VAC14: variants seen among roughly 807,000 people sequenced by gnomAD.
VAC14 encodes the protein protein VAC14 homolog.
Under a neutral mutation model 85.3 loss-of-function variants are expected in VAC14, and 47 were observed. That is an observed-to-expected ratio of 0.55 (90% CI 0.44 to 0.70). The LOEUF (loss-of-function observed/expected upper bound fraction) is 0.70. Ranked by LOEUF, VAC14 falls within the 30% of genes least tolerant of loss-of-function variation. VAC14 has a pLI of 0.00. For missense variants in VAC14, 861 were observed against 1,004.3 expected, an observed-to-expected ratio of 0.86 and a Z score of 1.93; for synonymous variants, 447 against 430.5, an observed-to-expected ratio of 1.04 and a Z score of -0.47.
intron 12 of VAC14, among the ~76,000 whole-genome samples, chr16:70,756,302 C>G (rs2031851512): frequency 6.6e-6 from 1 of 152,162 alleles, no homozygotes; most frequent in South Asian, 2.1e-4. Flanking sequence ...CCTCTGGGCT[C>G]CTAGGCAAGC....
chr16:70,704,507 T>C (rs890701507), intron 14 of VAC14, among the ~76,000 whole-genome samples: 1 of 152,176 alleles, frequency 6.6e-6, no homozygotes, highest in African/African-American at 2.4e-5. Flanking sequence ...CCTGGGGCTG[T>C]GTGCAGAGCA....
chr16:70,771,574 C>T (rs532372546), intron 10 of VAC14: 66 of 151,474 alleles, frequency 4.4e-4, no homozygotes, highest in African/African-American at 1.5e-3. Flanking sequence ...TAAGAACAAT[C>T]CATTTTCTTT....
intron 1 of VAC14, among the ~76,000 whole-genome samples, chr16:70,797,568 A>G (rs1280195166): frequency 2.0e-5 from 3 of 152,200 alleles, no homozygotes; most frequent in Non-Finnish European, 2.9e-5. Context: ...CTCTCTATGT[A>G]TACAGTTTGT....
chr16:70,700,920 G>A (rs2053813169), intron 14 of VAC14, among the ~76,000 whole-genome samples: 1 of 152,218 alleles, frequency 6.6e-6, no homozygotes, highest in Admixed American at 6.5e-5. Flanking sequence ...CGGGACCTGT[G>A]GCAGCAGAGG....
chr16:70,739,817 G>T (rs777546966), intron 13 of VAC14, among the ~76,000 whole-genome samples: 1 of 152,194 alleles, frequency 6.6e-6, no homozygotes, highest in Non-Finnish European at 1.5e-5. Flanking sequence ...TGAAGATGCT[G>T]CTGACATTTG....
At position 70,781,920 on chromosome 16, in the gene VAC14, C is replaced by T. The variant is rs773303145; in HGVS notation, c.895G>A (p.Gly299Arg). ...AGRVMLPYSS[G>R]ILTAVLPCLA... ...CAGGGCAAGACAGCAGTCAGGATCCCGGAGGAGTAAGGCAGCATGACGCGG... is the reference window on the plus strand; with the variant it reads ...CAGGGCAAGACAGCAGTCAGGATCCTGGAGGAGTAAGGCAGCATGACGCGG... The change falls in exon 8 of 19, where the codon GGG becomes AGG. Residue 299 changes from glycine to arginine, a missense_variant. Physicochemically the swap from Gly to Arg is moderately radical, Grantham distance 125. Coordinates refer to ENST00000261776, the MANE Select transcript of VAC14 (RefSeq NM_018052.5). 9.9e-6 allele frequency: 16 copies of T among 1,614,012 alleles called. No homozygotes were observed. The highest frequency in any genetic ancestry group is 1.7e-5 in the Admixed American group (1 of 60,000).
At chr16:70,789,246 A>G (rs1316582565) in intron 1 of VAC14, among the ~76,000 whole-genome samples, 1 of 152,236 alleles carries the variant, frequency 6.6e-6, no homozygotes, top group Non-Finnish European at 1.5e-5. Context: ...AGCCCCCCAA[A>G]GTTTTAATAT....
intron 1 of VAC14, among the ~76,000 whole-genome samples, chr16:70,790,163 T>A (rs2034270772): frequency 6.6e-6 from 1 of 152,100 alleles, no homozygotes; most frequent in Non-Finnish European, 1.5e-5. Flanking sequence ...GGGCATGAGG[T>A]GACTCGGGGC....
chr16:70,763,326 TG>T (rs2032559369), intron 10 of VAC14, among the ~76,000 whole-genome samples: 1 of 152,208 alleles, frequency 6.6e-6, no homozygotes, highest in Non-Finnish European at 1.5e-5. Context: ...ACCAGTCTGC[TG>T]GGCTCCCACT....
chr16:70,727,964 G>A (rs906990926), intron 14 of VAC14, among the ~76,000 whole-genome samples: 1 of 152,242 alleles, frequency 6.6e-6, no homozygotes, highest in Non-Finnish European at 1.5e-5. Context: ...AGGTGTGGGT[G>A]CTGCTTTTGG....
chr16:70,762,737 G>A lies in VAC14; in HGVS notation c.1306-132C>T. The A allele has an allele frequency of 6.7e-7, 1 of 1,487,598 alleles. No homozygotes were observed. Among genetic ancestry groups the A allele is most frequent in the Non-Finnish European group, 9.2e-7 (1 of 1,086,376 alleles). 92.1% of individuals were successfully genotyped at this position (1,487,598 alleles called of 1,614,324 possible). ...CACTTCCCTCCCCGACACAATGAGG[G>A]CTCCTCGCAGCACCTGTCACTTCTC... On this transcript the variant is annotated intron_variant, in intron 11 of 18. Coordinates refer to ENST00000261776, the MANE Select transcript of VAC14 (RefSeq NM_018052.5). The surrounding 1 kb of genome is among the most constrained non-coding windows in gnomAD (Gnocchi z 4.1).
At chr16:70,763,570 C>T (rs1486877992) in intron 10 of VAC14, among the ~76,000 whole-genome samples, 3 of 152,196 alleles carry the variant, frequency 2.0e-5, no homozygotes, top group African/African-American at 4.8e-5. Context: ...GGTCAGGGAT[C>T]GAGGCTTGTC....
chr16:70,796,629 C>T (rs564436753), intron 1 of VAC14, among the ~76,000 whole-genome samples: 13 of 152,322 alleles, frequency 8.5e-5, no homozygotes, highest in Admixed American at 1.3e-4. Flanking sequence ...AACACCACCA[C>T]GCCCATAGGG....
intron 9 of VAC14, among the ~76,000 whole-genome samples, chr16:70,777,088 T>C (rs993277460): frequency 1.3e-5 from 2 of 151,840 alleles, no homozygotes; most frequent in East Asian, 1.9e-4. Context: ...ATTACAGGTG[T>C]GAGCCACCGC....
chr16:70,750,298 C>T (rs966727676), intron 12 of VAC14, among the ~76,000 whole-genome samples: 2 of 152,162 alleles, frequency 1.3e-5, no homozygotes, highest in Non-Finnish European at 2.9e-5. Context: ...AATTAGTATG[C>T]GCTACACAGC....
Position 70,800,960 on chromosome 16 carries a change from G to T in VAC14, c.-60C>A. ...CCGCGGCTGCCGGGGCCGCGCCGGG[G>T]CCAGGGGAGTCTGCGGCTCCGCTCT... On this transcript the variant is annotated 5_prime_UTR_variant, in exon 1 of 19. Coordinates refer to ENST00000261776, the MANE Select transcript of VAC14 (RefSeq NM_018052.5). 1 of 1,322,716 alleles carries T rather than the reference G, an allele frequency of 7.6e-7. No individual in the cohort carries two copies. Among genetic ancestry groups the T allele is most frequent in the Non-Finnish European group, 1.0e-6 (1 of 979,552 alleles). 81.9% of individuals were successfully genotyped at this position (1,322,716 alleles called of 1,614,324 possible).
rs138011202 is a variant in VAC14, at chr16:70,746,634, C to T, written c.1372-2055G>A. On this transcript the variant is annotated intron_variant, in intron 12 of 18. Transcript: ENST00000261776. ...GCCTAGAAGTAGGGAGGGCCGAGGC[C>T]TCTGCTTCCACTGAGGACAGAGCCT... Among the ~76,000 whole-genome samples, 555 of 152,312 alleles carry T rather than the reference C, an allele frequency of 3.6e-3. 2 individuals carry two copies. The highest frequency in any genetic ancestry group is 0.014 in the South Asian group (68 of 4,824).
Position 70,696,671 on chromosome 16 carries a change from C to T in VAC14, c.1955+468G>A, listed in dbSNP as rs527679473. On this transcript the variant is annotated intron_variant, in intron 16 of 18. Transcript: ENST00000261776. ...TAGCTCTGTGGCCCCCGAAGGCCCA[C>T]GCCTGGGCTGAAGCCTGCAGGCTCA... is the stretch of plus-strand genomic sequence containing the variant. Among the ~76,000 whole-genome samples the T allele has an allele frequency of 2.0e-5, 3 of 152,340 alleles. No individual in the cohort carries two copies. The East Asian group carries it at 5.8e-4, about 29-fold the overall frequency.
intron 17 of VAC14, among the ~76,000 whole-genome samples, chr16:70,693,939 G>A (rs1418555851): frequency 6.6e-6 from 1 of 152,240 alleles, no homozygotes; most frequent in East Asian, 1.9e-4. Context: ...GCAGAGGAAT[G>A]GAGGCCTGCT....
Sources: allele counts gnomAD v4.1 joint callset (sites outside exome capture counted in the v4.1 genomes callset), GRCh38; gene constraint gnomAD v4.1.1; non-coding constraint Gnocchi (gnomAD v3.1); transcripts MANE v1.5; gene names NCBI Gene and HGNC (gene_info 2026-07-23, HGNC 2026-07-21).